Variants in TBC1D5 observed in about 807,000 individuals in gnomAD.
The protein encoded by TBC1D5 is TBC1 domain family, member 5.
In TBC1D5, 75 loss-of-function variants were observed where a neutral mutation model predicts 100.3. That is an observed-to-expected ratio of 0.75 (90% CI 0.62 to 0.91). The LOEUF is 0.91. TBC1D5 is among the 40% of genes least tolerant of loss of function. TBC1D5 has a pLI of 0.00. For synonymous variants in TBC1D5, 323 were observed against 325.6 expected (o/e 0.99, Z 0.09); for missense variants, 910 against 942.4 (o/e 0.97, Z 0.45).
At chr3:17,160,377 T>C (rs2065925956) in exon 22 of TBC1D5, 3 of 152,410 alleles carry the variant, frequency 2.0e-5, no homozygotes, top group African/African-American at 2.4e-5. Context: ...TGAGGTTTTT[T>C]CTTTTTTTTT....
intron 3 of TBC1D5, among the ~76,000 whole-genome samples, chr3:17,453,356 A>G (rs184062203): frequency 3.8e-4 from 58 of 152,182 alleles, no homozygotes; most frequent in Non-Finnish European, 7.8e-4. Flanking sequence ...AAACAATAAA[A>G]AAAAAGAAAT....
At chr3:17,208,388 C>T (rs2072517584) in intron 18 of TBC1D5, among the ~76,000 whole-genome samples, 1 of 152,248 alleles carries the variant, frequency 6.6e-6, no homozygotes, top group South Asian at 2.1e-4. Context: ...CACTTTCAGT[C>T]ACAACACAGT....
chr3:17,311,889 A>G (rs970625611), intron 13 of TBC1D5, among the ~76,000 whole-genome samples: 2 of 152,054 alleles, frequency 1.3e-5, no homozygotes, highest in African/African-American at 4.8e-5. Flanking sequence ...TTGCTCAATG[A>G]TATCAATTTT....
chr3:17,525,624 A>T (rs1270364798), intron 2 of TBC1D5, among the ~76,000 whole-genome samples: 1 of 152,022 alleles, frequency 6.6e-6, no homozygotes, highest in African/African-American at 2.4e-5. Context: ...TATGGTAATA[A>T]TGTCTATGGT....
chr3:17,535,124 T>C (rs956670126), intron 2 of TBC1D5, among the ~76,000 whole-genome samples: 8 of 152,216 alleles, frequency 5.3e-5, no homozygotes, highest in Non-Finnish European at 8.8e-5. Flanking sequence ...GATGACTAGC[T>C]TACCTCCTTT....
chr3:17,563,738 G>GAA (rs1028588503), intron 2 of TBC1D5, among the ~76,000 whole-genome samples: 4 of 152,106 alleles, frequency 2.6e-5, no homozygotes, highest in Admixed American at 2.6e-4. Context: ...ACTGGGGAAA[G>GAA]AATTACTGGT....
At chr3:17,445,723 T>C (rs1315548008) in intron 3 of TBC1D5, among the ~76,000 whole-genome samples, 4 of 152,216 alleles carry the variant, frequency 2.6e-5, no homozygotes. Context: ...TCTCTTAATA[T>C]GTCAAATTTA....
At chr3:17,691,418 T>C (rs2071137329) in intron 1 of TBC1D5, among the ~76,000 whole-genome samples, 1 of 152,244 alleles carries the variant, frequency 6.6e-6, no homozygotes, top group Non-Finnish European at 1.5e-5. Flanking sequence ...ACACTACTTG[T>C]ATGATCCAAT....
At chr3:17,397,434 T>C (rs1363627099) in intron 8 of TBC1D5, among the ~76,000 whole-genome samples, 1 of 152,160 alleles carries the variant, frequency 6.6e-6, no homozygotes, top group East Asian at 1.9e-4. Context: ...TGCACTGGCA[T>C]GACCACAGCT....
At chr3:17,415,097 A>C (rs2094031757) in intron 4 of TBC1D5, among the ~76,000 whole-genome samples, 1 of 152,204 alleles carries the variant, frequency 6.6e-6, no homozygotes, top group Admixed American at 6.5e-5. Flanking sequence ...CAGGAACACA[A>C]AGAACTGAGT....
rs557400187 is a variant in TBC1D5, at chr3:17,228,662, G to C, written c.1588+9501C>G. Among the ~76,000 whole-genome samples, 6 of 152,056 alleles carry C rather than the reference G, an allele frequency of 3.9e-5. No homozygotes were observed. The South Asian group carries it at 1.2e-3, about 32-fold the overall frequency. ...GTCTGCTTATTAAGTCATGTGCCCT[G>C]GTGTGAGCTACATCTGCAGAGAAGT... On this transcript the variant is annotated intron_variant, in intron 17 of 21. Coordinates refer to ENST00000253692, the Ensembl canonical transcript of TBC1D5.
intron 15 of TBC1D5, among the ~76,000 whole-genome samples, chr3:17,275,522 A>G (rs1202966593): frequency 6.6e-6 from 1 of 152,204 alleles, no homozygotes; most frequent in Non-Finnish European, 1.5e-5. Flanking sequence ...CATGGGCCAC[A>G]GAGTAAGACT....
intron 4 of TBC1D5, among the ~76,000 whole-genome samples, chr3:17,423,029 A>G (rs889475018): frequency 5.3e-5 from 8 of 152,158 alleles, no homozygotes; most frequent in African/African-American, 1.9e-4. Context: ...AATTTTTTAA[A>G]AACTTTTTAC....
intron 1 of TBC1D5, among the ~76,000 whole-genome samples, chr3:17,703,668 G>C (rs1195284802): frequency 6.6e-6 from 1 of 152,060 alleles, no homozygotes; most frequent in African/African-American, 2.4e-5. Context: ...TTAAGATTAA[G>C]ATCATAGAAC....
At chr3:17,292,066 A>G in intron 14 of TBC1D5, 65 bp from the exon 15 acceptor site, 1 of 1,369,602 alleles carries the variant, frequency 7.3e-7, no homozygotes, top group Non-Finnish European at 1.0e-6. Context: ...TGCTGAGAAT[A>G]TAAAATCTAA....
intron 3 of TBC1D5, among the ~76,000 whole-genome samples, chr3:17,506,861 A>C (rs1247305514): frequency 6.6e-6 from 1 of 152,108 alleles, no homozygotes; most frequent in Admixed American, 6.5e-5. Context: ...TAAAAACACA[A>C]AAAAATTAGC....
chr3:17,539,923 C>T (rs536690099), intron 2 of TBC1D5, among the ~76,000 whole-genome samples: 68 of 152,312 alleles, frequency 4.5e-4, no homozygotes, highest in African/African-American at 1.5e-3. Context: ...CACCATACTG[C>T]TTCCCACTGT....
chr3:17,183,810 T>G (rs1385060689), intron 19 of TBC1D5, among the ~76,000 whole-genome samples: 1 of 152,218 alleles, frequency 6.6e-6, no homozygotes, highest in Non-Finnish European at 1.5e-5. Flanking sequence ...TGTAATGGCT[T>G]AGAGCTTGCT....
chr3:17,321,012 T>A (rs2085336668), intron 13 of TBC1D5, among the ~76,000 whole-genome samples: 1 of 152,332 alleles, frequency 6.6e-6, no homozygotes, highest in South Asian at 2.1e-4. Flanking sequence ...TATACTTAAA[T>A]GTATATGTTT....
Sources: gnomAD v4.1 joint callset for allele counts (sites outside exome capture counted in the v4.1 genomes callset) on GRCh38, gnomAD v4.1.1 for gene constraint, MANE v1.5 for transcripts, NCBI Gene and HGNC (gene_info 2026-07-23, HGNC 2026-07-21) for gene names.